The following CSMD1 variants were observed in gnomAD, a reference collection of about 807,000 sequenced individuals.
CSMD1 encodes CUB and Sushi multiple domains 1, also known as CUB and sushi domain-containing protein 1.
In CSMD1, 213 loss-of-function variants were observed where a neutral mutation model predicts 417.5. The ratio of observed to expected loss-of-function variants is 0.51; its 90% CI spans 0.46 to 0.57. The LOEUF (loss-of-function observed/expected upper bound fraction) is 0.57, where lower values mean the gene tolerates loss of function less well. Among genes scored for constraint, CSMD1 ranks in the 20% least tolerant of loss-of-function variants. CSMD1 has a pLI of 0.00. For synonymous variants in CSMD1, 2,862 were observed against 1,736.8 expected (o/e 1.65, Z -16.11); for missense variants, 6,923 against 4,529.7 (o/e 1.53, Z -15.17).
chr8:3,891,065 T>G (rs1039341809), intron 5 of CSMD1, among the ~76,000 whole-genome samples: 10 of 152,120 alleles, frequency 6.6e-5, no homozygotes, highest in Admixed American at 3.3e-4. Flanking sequence ...TTTTATTATT[T>G]TGAGACAGGA....
intron 3 of CSMD1, among the ~76,000 whole-genome samples, chr8:4,291,027 T>G (rs1055450336): frequency 3.3e-5 from 5 of 152,146 alleles, no homozygotes; most frequent in Admixed American, 6.6e-5. Context: ...AAATAAGATC[T>G]TCTTTGTACC....
intron 1 of CSMD1, among the ~76,000 whole-genome samples, chr8:4,826,142 C>A (rs373905230): frequency 2.0e-5 from 3 of 151,964 alleles, no homozygotes; most frequent in African/African-American, 7.3e-5. Flanking sequence ...CGGTATATAT[C>A]CAACAGAATT....
intron 5 of CSMD1, among the ~76,000 whole-genome samples, chr8:3,981,679 A>T (rs1813881840): frequency 6.6e-6 from 1 of 151,958 alleles, no homozygotes; most frequent in Non-Finnish European, 1.5e-5. Context: ...CTTTGACGTT[A>T]ATTGTGCCCC....
At chr8:4,283,557 C>T (rs182641129) in intron 3 of CSMD1, among the ~76,000 whole-genome samples, 3 of 152,212 alleles carry the variant, frequency 2.0e-5, no homozygotes, top group South Asian at 2.1e-4. Flanking sequence ...TTATATATGT[C>T]GTATAGTTAA....
chr8:3,923,534 C>T (rs543152014), intron 5 of CSMD1, among the ~76,000 whole-genome samples: 3 of 152,058 alleles, frequency 2.0e-5, no homozygotes, highest in African/African-American at 7.2e-5. Context: ...TTGCGCATTT[C>T]CCACACAGAA....
At chr8:4,035,199 T>G (rs1168653853) in intron 3 of CSMD1, among the ~76,000 whole-genome samples, 1 of 152,222 alleles carries the variant, frequency 6.6e-6, no homozygotes, top group East Asian at 1.9e-4. Context: ...GAGGTCGTAG[T>G]GCCAGCTATG....
intron 48 of CSMD1, among the ~76,000 whole-genome samples, chr8:3,088,802 C>G (rs1814718313): frequency 1.5e-5 from 2 of 134,674 alleles, no homozygotes; most frequent in South Asian, 2.3e-4. Flanking sequence ...TGAGTACAAT[C>G]AGGCACCCTG....
At chr8:4,249,293 T>C (rs1474736227) in intron 3 of CSMD1, among the ~76,000 whole-genome samples, 2 of 152,182 alleles carry the variant, frequency 1.3e-5, no homozygotes, top group Admixed American at 1.3e-4. Context: ...TTATGGAAGG[T>C]AGGATGAAGA....
chr8:3,767,800 C>T (rs191181253), intron 5 of CSMD1, among the ~76,000 whole-genome samples: 3 of 152,146 alleles, frequency 2.0e-5, no homozygotes, highest in Non-Finnish European at 2.9e-5. Flanking sequence ...CTCACGTACA[C>T]GGGCTTCCAC....
At position 4,019,584 on chromosome 8, in the gene CSMD1, T is replaced by C. The variant is rs543385012; in HGVS notation, c.610+12321A>G. 2.6e-4 allele frequency among the ~76,000 whole-genome samples: 39 copies of C among 152,296 alleles called. No individual in the cohort carries two copies. In the South Asian group the frequency reaches 7.5e-3, roughly 29 times the overall value. ...GTCGTATCTGTGTTTTACGGTCTGC[T>C]CTTGCTGGCTGCTTGTTGTCAGAAG... On this transcript the variant is annotated intron_variant, in intron 4 of 69. Coordinates refer to ENST00000635120, the MANE Select transcript of CSMD1 (RefSeq NM_033225.6).
intron 12 of CSMD1, among the ~76,000 whole-genome samples, chr8:3,457,786 G>GA (rs1004811214): frequency 1.3e-4 from 20 of 152,234 alleles, no homozygotes; most frequent in African/African-American, 4.6e-4. Context: ...CAATTGAAAG[G>GA]AAAAAACCTG....
chr8:4,407,502 G>A (rs905771349), intron 3 of CSMD1, among the ~76,000 whole-genome samples: 1 of 152,050 alleles, frequency 6.6e-6, no homozygotes, highest in Non-Finnish European at 1.5e-5. Context: ...ATTGTACTCT[G>A]TTGTATTTTT....
chr8:4,420,687 G>A (rs1050035287), intron 2 of CSMD1, among the ~76,000 whole-genome samples: 8 of 152,144 alleles, frequency 5.3e-5, no homozygotes, highest in South Asian at 4.1e-4. Flanking sequence ...GGAAAAGTGA[G>A]TGAGATGGTC....
intron 39 of CSMD1, among the ~76,000 whole-genome samples, chr8:3,157,018 T>G (rs1053811838): frequency 1.4e-5 from 2 of 147,808 alleles, no homozygotes; most frequent in Non-Finnish European, 3.0e-5. Context: ...AGCAGGATAC[T>G]GCTAATAGCA....
intron 4 of CSMD1, among the ~76,000 whole-genome samples, chr8:4,021,102 C>G (rs1796767050): frequency 6.6e-6 from 1 of 152,182 alleles, no homozygotes; most frequent in South Asian, 2.1e-4. Flanking sequence ...GAGGATACAA[C>G]AAGTTTAAAG....
chr8:3,821,580 G>A (rs775377561), intron 5 of CSMD1, among the ~76,000 whole-genome samples: 7 of 152,074 alleles, frequency 4.6e-5, no homozygotes, highest in South Asian at 2.1e-4. Context: ...TCAAGAGTAC[G>A]AGACCAGCCT....
chr8:3,291,283 T>A (rs1452883073), intron 25 of CSMD1, among the ~76,000 whole-genome samples: 1 of 152,184 alleles, frequency 6.6e-6, no homozygotes, highest in East Asian at 1.9e-4. Context: ...GGTCTAAAAT[T>A]CTCTTTTTTT....
intron 7 of CSMD1, among the ~76,000 whole-genome samples, chr8:3,694,908 C>T (rs777937607): frequency 7.2e-5 from 11 of 151,934 alleles, no homozygotes; most frequent in Admixed American, 2.0e-4. Flanking sequence ...GAGGGGAAAT[C>T]GCACATCATT....
At chr8:2,939,277 G>C (rs1424504035) in intron 69 of CSMD1, among the ~76,000 whole-genome samples, 5 of 152,212 alleles carry the variant, frequency 3.3e-5, no homozygotes, top group African/African-American at 4.8e-5. Context: ...CATATGCCTA[G>C]CCTTTAGCAC....
Sources: allele counts gnomAD v4.1 joint callset (sites outside exome capture counted in the v4.1 genomes callset), GRCh38; gene constraint gnomAD v4.1.1; transcripts MANE v1.5; gene names NCBI Gene and HGNC (gene_info 2026-07-23, HGNC 2026-07-21).